Variants in ENTPD6 observed in about 807,000 individuals in gnomAD.
ENTPD6 encodes ectonucleoside triphosphate diphosphohydrolase 6, also known as CD39 antigen-like 2.
A neutral mutation model predicts 61.5 loss-of-function variants in ENTPD6; 46 were observed. The observed-to-expected ratio is 0.75, with a 90% confidence interval of 0.59 to 0.96. The LOEUF (loss-of-function observed/expected upper bound fraction) is 0.96, where lower values mean the gene tolerates loss of function less well. ENTPD6 is among the 40% of genes least tolerant of loss of function. The pLI, the probability that ENTPD6 is intolerant of heterozygous loss-of-function variation, is 0.00. For missense variants in ENTPD6, 612 were observed against 629.0 expected (o/e 0.97, Z 0.29); for synonymous variants, 252 against 255.5 (o/e 0.99, Z 0.13).
Position 25,195,816 on chromosome 20 carries a change from C to T in ENTPD6, c.-67C>T. On this transcript the variant is annotated 5_prime_UTR_variant, in exon 1 of 15. Transcript: ENST00000376652. ...CCCAAAAGACCGGCTGCCGCCTGCTCCCCGGAAAAGGGCACTCGTCTCCGT... is the reference window on the plus strand; with the variant it reads ...CCCAAAAGACCGGCTGCCGCCTGCTTCCCGGAAAAGGGCACTCGTCTCCGT... 2 of 1,240,000 alleles carry T rather than the reference C, an allele frequency of 1.6e-6. No individual in the cohort carries two copies. The highest frequency in any genetic ancestry group is 2.0e-6 in the Non-Finnish European group (2 of 988,384). The allele number at this position is 1,240,000 out of a possible 1,614,324, so 76.8% of individuals were successfully genotyped here.
intron 9 of ENTPD6, among the ~76,000 whole-genome samples, chr20:25,218,224 C>G (rs903537944): frequency 1.3e-4 from 20 of 152,320 alleles, no homozygotes; most frequent in African/African-American, 4.8e-4. Flanking sequence ...CAGGAGTGTT[C>G]CGGGCCACCT....
At chr20:25,206,114 T>C (rs1452022792) in intron 1 of ENTPD6, among the ~76,000 whole-genome samples, 2 of 152,232 alleles carry the variant, frequency 1.3e-5, no homozygotes, top group Admixed American at 1.3e-4. Context: ...GGCTCTCCAA[T>C]GAGCAGCCCC....
Position 25,207,144 on chromosome 20 carries a change from G to A in ENTPD6, c.123G>A (p.Ala41=), listed in dbSNP as rs146572388. The change falls in exon 3 of 15, where the codon GCG becomes GCA. Residue 41 remains alanine, a synonymous_variant. Coordinates refer to ENST00000376652, the MANE Select transcript of ENTPD6 (RefSeq NM_001247.5). Reference sequence around the variant, plus strand: ...CCAACCACGGGAGCCTGCGGGTGGCGAAGGTGGCATACCCCCTGGGGCTGT... The same window carrying A: ...CCAACCACGGGAGCCTGCGGGTGGCAAAGGTGGCATACCCCCTGGGGCTGT... ...KISNHGSLRV[A]KVAYPLGLCV... 294 of 1,613,874 alleles carry A rather than the reference G, an allele frequency of 1.8e-4. No homozygotes were observed. The highest frequency in any genetic ancestry group is 2.2e-4 in the Non-Finnish European group (257 of 1,179,826).
chr20:25,217,641 CCTCG>C, intron 9 of ENTPD6, 60 bp downstream of exon 9: 1 of 1,410,810 alleles, frequency 7.1e-7, no homozygotes, highest in Non-Finnish European at 1.0e-6. Context: ...GCTCCCAGGG[CCTCG>C]CATGGCCCTC....
Position 25,227,795 on chromosome 20 carries a change from C to T in ENTPD6, c.*2198C>T, listed in dbSNP as rs559497940. Among the ~76,000 whole-genome samples the T allele has an allele frequency of 6.6e-6, 1 of 152,390 alleles. No individual in the cohort carries two copies. Among genetic ancestry groups the T allele is most frequent in the East Asian group, 1.9e-4 (1 of 5,192 alleles). ...AGGGCAGTGAGTTTCAGGGCATAAG[C>T]AGACGTTGCCACGTTGCCTTCAATC... On this transcript the variant is annotated 3_prime_UTR_variant, in exon 15 of 15. Coordinates refer to ENST00000376652, the MANE Select transcript of ENTPD6 (RefSeq NM_001247.5).
At position 25,227,227 on chromosome 20, in the gene ENTPD6, A is replaced by G. The variant is rs1301457408; in HGVS notation, c.*1630A>G. On this transcript the variant is annotated 3_prime_UTR_variant, in exon 15 of 15. Coordinates refer to ENST00000376652, the MANE Select transcript of ENTPD6 (RefSeq NM_001247.5). ...ATGGAGCCACGTGGTGGAGGCCTGC[A>G]CAGAGCAGGAAAGGACAAAAGACAA... Among the ~76,000 whole-genome samples the G allele has an allele frequency of 2.6e-5, 4 of 152,334 alleles. No homozygotes were observed. Among genetic ancestry groups the G allele is most frequent in the African/African-American group, 9.6e-5 (4 of 41,580 alleles).
intron 1 of ENTPD6, among the ~76,000 whole-genome samples, chr20:25,198,411 G>T (rs768893961): frequency 6.6e-6 from 1 of 152,070 alleles, no homozygotes; most frequent in African/African-American, 2.4e-5. Context: ...GGAGGCAGAG[G>T]TTGCAGTAAG....
At position 25,221,918 on chromosome 20, in the gene ENTPD6, G is replaced by A. The variant is rs142949796; in HGVS notation, c.1045+585G>A. On this transcript the variant is annotated intron_variant, in intron 11 of 14. Coordinates refer to ENST00000376652, the MANE Select transcript of ENTPD6 (RefSeq NM_001247.5). ...CGGGGGGCCGCATCAGGCACAGCAG[G>A]ACTGCACAGCTGTGTCCCACAGGAG... The A allele has an allele frequency of 6.7e-3, 1,166 of 175,338 alleles. 10 individuals carry two copies. Among genetic ancestry groups the A allele is most frequent in the Middle Eastern group, 0.029 (11 of 378 alleles). The allele number at this position is 175,338 out of a possible 1,614,324, so 10.9% of individuals were successfully genotyped here.
intron 5 of ENTPD6, 32 bp downstream of exon 5, chr20:25,213,438 C>T: frequency 3.2e-6 from 5 of 1,576,638 alleles, no homozygotes; most frequent in Non-Finnish European, 4.3e-6. Context: ...TGCCATTAGC[C>T]AGCCCTCAGG....
chr20:25,224,226 G>T, intron 13 of ENTPD6, 69 bp downstream of exon 13: 1 of 1,431,546 alleles, frequency 7.0e-7, no homozygotes, highest in Non-Finnish European at 9.7e-7. Context: ...GCAGGCGCTG[G>T]CCCTGACTCT....
At chr20:25,206,956 TG>T in intron 2 of ENTPD6, 119 bp from the exon 3 acceptor site, 5 of 867,160 alleles carry the variant, frequency 5.8e-6, no homozygotes, top group Non-Finnish European at 7.2e-6. Context: ...TTCTGATTCC[TG>T]GGGGGAACAC....
chr20:25,223,295 C>T (rs2092699125), intron 12 of ENTPD6, among the ~76,000 whole-genome samples: 1 of 152,138 alleles, frequency 6.6e-6, no homozygotes, highest in Admixed American at 6.5e-5. Context: ...GCCCTGGCTA[C>T]AGGAGGCCTC....
intron 1 of ENTPD6, chr20:25,196,278 G>A: frequency 9.8e-7 from 1 of 1,016,942 alleles, no homozygotes; most frequent in Non-Finnish European, 1.2e-6. Flanking sequence ...GCTCGGACAG[G>A]ACTGAGGGTG....
chr20:25,219,228 G>A (rs1381060026), intron 10 of ENTPD6, among the ~76,000 whole-genome samples: 4 of 152,202 alleles, frequency 2.6e-5, no homozygotes, highest in African/African-American at 9.6e-5. Flanking sequence ...CTGAAGCACT[G>A]AGCTGAAACT....
chr20:25,205,573 G>A (rs976474189), intron 1 of ENTPD6, among the ~76,000 whole-genome samples: 1 of 152,216 alleles, frequency 6.6e-6, no homozygotes, highest in African/African-American at 2.4e-5. Context: ...CCTGAGAGCT[G>A]TGGGAAGCCC....
At chr20:25,218,677 C>G in intron 10 of ENTPD6, 63 bp downstream of exon 10, 1 of 1,483,432 alleles carries the variant, frequency 6.7e-7, no homozygotes, top group Non-Finnish European at 9.1e-7. Context: ...TCAGTGGGAA[C>G]GAGGAGCCCC....
intron 13 of ENTPD6, chr20:25,224,809 TG>T: frequency 9.7e-6 from 2 of 205,442 alleles, no homozygotes; most frequent in Non-Finnish European, 1.9e-5. Context: ...GGACAGCTCT[TG>T]GTGGATTTGT....
chr20:25,217,627 T>A, intron 9 of ENTPD6, 46 bp downstream of exon 9: 4 of 1,551,596 alleles, frequency 2.6e-6, no homozygotes, highest in Non-Finnish European at 3.6e-6. Flanking sequence ...GGGGTGGGTA[T>A]GCAGCTCCCA....
intron 6 of ENTPD6, 126 bp from the exon 7 acceptor site, chr20:25,215,550 C>T: frequency 2.2e-6 from 2 of 891,406 alleles, no homozygotes; most frequent in South Asian, 2.8e-5. Flanking sequence ...GATCTGAAGG[C>T]TGGGTGTAGT....
Sources: gnomAD v4.1 joint callset for allele counts (sites outside exome capture counted in the v4.1 genomes callset) on GRCh38, gnomAD v4.1.1 for gene constraint, MANE v1.5 for transcripts, NCBI Gene and HGNC (gene_info 2026-07-23, HGNC 2026-07-21) for gene names.